The following RARB variants were observed in gnomAD, a reference collection of about 807,000 sequenced individuals.
RARB encodes retinoic acid receptor beta, also known as HBV-activated protein.
Under a neutral mutation model 51.9 loss-of-function variants are expected in RARB, and 17 were observed. The ratio of observed to expected loss-of-function variants is 0.33; its 90% CI spans 0.22 to 0.49. RARB has a LOEUF of 0.49. Ranked by LOEUF, RARB falls within the 20% of genes least tolerant of loss-of-function variation. The probability of loss-of-function intolerance (pLI) is 0.99; values close to 1 mark genes in which losing one functional copy is unlikely to be tolerated. For missense variants in RARB, 369 were observed against 550.8 expected, an observed-to-expected ratio of 0.67 and a Z score of 3.30; for synonymous variants, 215 against 195.4, an observed-to-expected ratio of 1.10 and a Z score of -0.84.
At chr3:25,069,990 T>C (rs1698736763) in intron 3 of RARB, among the ~76,000 whole-genome samples, 2 of 152,190 alleles carry the variant, frequency 1.3e-5, no homozygotes, top group African/African-American at 4.8e-5. Context: ...TGGACAGTTC[T>C]GGAGGCTTAG....
At chr3:24,896,703 A>C (rs1164067255) in intron 2 of RARB, among the ~76,000 whole-genome samples, 1 of 152,204 alleles carries the variant, frequency 6.6e-6, no homozygotes, top group Non-Finnish European at 1.5e-5. Context: ...CAATAAAAAA[A>C]CTGTCAAGAA....
At chr3:24,946,058 G>A (rs1196595215) in intron 2 of RARB, among the ~76,000 whole-genome samples, 2 of 152,096 alleles carry the variant, frequency 1.3e-5, no homozygotes, top group African/African-American at 2.4e-5. Flanking sequence ...GAGGTCAGGA[G>A]ATCGAGATCA....
chr3:24,958,255 GTTTTTTTTTTT>G (rs71057692), intron 2 of RARB, among the ~76,000 whole-genome samples: 4,638 of 69,798 alleles, frequency 0.066, 290 homozygotes, highest in African/African-American at 0.17. Flanking sequence ...AGCTGCTCAG[GTTTTTTTTTTT>G]TTTTTTTTTT....
At chr3:25,460,671 C>T (rs568481591) in intron 1 of RARB, among the ~76,000 whole-genome samples, 5 of 152,222 alleles carry the variant, frequency 3.3e-5, no homozygotes, top group Non-Finnish European at 7.4e-5. Flanking sequence ...TGGTCTCAAA[C>T]TCCTGACCTC....
At chr3:25,108,911 T>C (rs1699554648) in intron 3 of RARB, among the ~76,000 whole-genome samples, 1 of 152,202 alleles carries the variant, frequency 6.6e-6, no homozygotes, top group Non-Finnish European at 1.5e-5. Flanking sequence ...TGTCAGTTTC[T>C]AAGTGGGTAC....
intron 2 of RARB, among the ~76,000 whole-genome samples, chr3:25,031,796 C>T (rs1697881677): frequency 1.3e-5 from 2 of 152,132 alleles, no homozygotes; most frequent in Admixed American, 6.5e-5. Context: ...CAAATAATTC[C>T]ATATCTTCAT....
chr3:25,047,306 A>G (rs1698237365), intron 2 of RARB, among the ~76,000 whole-genome samples: 1 of 152,154 alleles, frequency 6.6e-6, no homozygotes, highest in Admixed American at 6.5e-5. Context: ...AAAGAAAGAG[A>G]AAAAAACCCT....
chr3:25,072,640 T>C (rs1162403637), intron 3 of RARB, among the ~76,000 whole-genome samples: 3 of 152,196 alleles, frequency 2.0e-5, no homozygotes, highest in African/African-American at 7.2e-5. Context: ...CTGGGTTCTA[T>C]TGTTTGTGTG....
chr3:25,010,050 A>G (rs1298795493), intron 2 of RARB, among the ~76,000 whole-genome samples: 1 of 152,056 alleles, frequency 6.6e-6, no homozygotes. Flanking sequence ...CTGATTGTTT[A>G]TTATAACCTT....
At chr3:24,908,866 A>G (rs1171079296) in intron 2 of RARB, among the ~76,000 whole-genome samples, 3 of 151,936 alleles carry the variant, frequency 2.0e-5, no homozygotes, top group Non-Finnish European at 4.4e-5. Flanking sequence ...CCCAGTTTCC[A>G]TGCCTTGACC....
At chr3:25,089,890 A>G (rs546984412) in intron 3 of RARB, among the ~76,000 whole-genome samples, 113 of 152,246 alleles carry the variant, frequency 7.4e-4, no homozygotes, top group Non-Finnish European at 4.4e-4. Flanking sequence ...CAGTTCCCAG[A>G]TGTTAGTATA....
chr3:25,299,165 C>T (rs1372467310), intron 5 of RARB, among the ~76,000 whole-genome samples: 2 of 152,230 alleles, frequency 1.3e-5, no homozygotes, highest in East Asian at 1.9e-4. Flanking sequence ...TGAGTATTTA[C>T]TGGAGAATGG....
intron 5 of RARB, among the ~76,000 whole-genome samples, chr3:25,221,005 C>G (rs568402218): frequency 7.9e-6 from 1 of 125,938 alleles, no homozygotes; most frequent in South Asian, 2.5e-4. Flanking sequence ...TTTAAGGCTC[C>G]CTCCCCTGCT....
At chr3:25,283,009 G>A (rs1047094456) in intron 5 of RARB, among the ~76,000 whole-genome samples, 5 of 152,130 alleles carry the variant, frequency 3.3e-5, no homozygotes, top group African/African-American at 7.2e-5. Context: ...ACGGAGGAGC[G>A]ACACTGTCTC....
rs773846113 is a variant in RARB, at chr3:25,210,529, C to CTTTTTTTTTTTTTTTTTTTTT, written c.178+35958_178+35978dup. 4.7e-4 allele frequency among the ~76,000 whole-genome samples: 13 copies of CTTTTTTTTTTTTTTTTTTTTT among 27,632 alleles called. 1 individual carries two copies. Among genetic ancestry groups the CTTTTTTTTTTTTTTTTTTTTT allele is most frequent in the East Asian group, 1.0e-3 (1 of 960 alleles). 18.1% of individuals were successfully genotyped at this position (27,632 alleles called of 152,430 possible). On this transcript the variant is annotated intron_variant, in intron 5 of 11. Coordinates refer to the RARB transcript ENST00000383772. ...GAAAGCCTGAAATCTTTATCTGATT[C>CTTTTTTTTTTTTTTTTTTTTT]TTTTTTTTTTTTTTTTTTTTTTTTG...
At chr3:24,934,589 G>A (rs9812847) in intron 2 of RARB, among the ~76,000 whole-genome samples, 76,295 of 151,758 alleles carry the variant, frequency 0.5, 20,055 homozygotes, top group East Asian at 0.71. Flanking sequence ...TTATGCATGA[G>A]ACTGATAATT....
At chr3:25,277,887 A>G (rs1206393719) in intron 5 of RARB, among the ~76,000 whole-genome samples, 3 of 151,938 alleles carry the variant, frequency 2.0e-5, no homozygotes, top group East Asian at 1.9e-4. Context: ...TATAGTCACT[A>G]CTCTCCCATA....
chr3:25,547,936 C>A (rs555531590), intron 3 of RARB, among the ~76,000 whole-genome samples: 1 of 152,040 alleles, frequency 6.6e-6, no homozygotes, highest in Admixed American at 6.5e-5. Flanking sequence ...AATATAAAAA[C>A]CCCTCATTTC....
intron 4 of RARB, among the ~76,000 whole-genome samples, chr3:25,140,078 G>C (rs555255624): frequency 7.0e-6 from 1 of 142,630 alleles, no homozygotes; most frequent in African/African-American, 2.5e-5. Flanking sequence ...GATATACAAG[G>C]ACATGGTTTT....
Sources: allele counts gnomAD v4.1 joint callset (sites outside exome capture counted in the v4.1 genomes callset), GRCh38; gene constraint gnomAD v4.1.1; transcripts MANE v1.5; gene names NCBI Gene and HGNC (gene_info 2026-07-23, HGNC 2026-07-21).